The following COL6A5 variants were observed in gnomAD, a reference collection of about 807,000 sequenced individuals.
The protein encoded by COL6A5 is collagen type VI alpha 5 chain.
COL6A5 carries 48 observed loss-of-function variants against 65.6 expected under a neutral mutation model. That is an observed-to-expected ratio of 0.73 (90% confidence interval 0.58 to 0.93). The LOEUF is 0.93. Among genes scored for constraint, COL6A5 ranks in the 40% least tolerant of loss-of-function variants. The pLI, the probability that COL6A5 is intolerant of heterozygous loss-of-function variation, is 0.00. For synonymous variants in COL6A5, 291 were observed against 322.8 expected, an observed-to-expected ratio of 0.90 and a Z score of 1.05; for missense variants, 914 against 928.3, an observed-to-expected ratio of 0.98 and a Z score of 0.20.
exon 3 of COL6A5, chr3:130,440,560 C>T (rs537759936): frequency 2.5e-6 from 4 of 1,613,560 alleles, no homozygotes; most frequent in Non-Finnish European, 3.4e-6. Flanking sequence ...CAGAAACACC[C>T]TATCTAAGAA....
At chr3:130,450,372 G>T (rs1709404698) in intron 4 of COL6A5, among the ~76,000 whole-genome samples, 1 of 152,128 alleles carries the variant, frequency 6.6e-6, no homozygotes, top group Non-Finnish European at 1.5e-5. Context: ...TGTTGAGCCG[G>T]CTTGGCCGCT....
chr3:130,421,091 A>C (rs1937508636), intron 25 of COL6A5, 62 bp from the exon 26 acceptor site: 1 of 1,427,490 alleles, frequency 7.0e-7, no homozygotes, highest in Non-Finnish European at 9.6e-7. Flanking sequence ...TAATCTCCCC[A>C]GTATAGATTA....
chr3:130,411,766 G>A (rs1937182512), intron 20 of COL6A5, among the ~76,000 whole-genome samples: 1 of 151,754 alleles, frequency 6.6e-6, no homozygotes, highest in African/African-American at 2.4e-5. Context: ...TGCCAGGAGT[G>A]GTATAGGCAA....
rs976274616 is a variant in COL6A5, at chr3:130,379,568, G to A, written c.818G>A (p.Arg273Gln). 2.7e-5 allele frequency: 42 copies of A among 1,551,248 alleles called. No homozygotes were observed. Among genetic ancestry groups the A allele is most frequent in the Non-Finnish European group, 3.2e-5 (37 of 1,146,804 alleles). ...ATGGATGTGAAGGAAAATTGCATGCGACTTGGACTGATGAGTTACAGCAAT... is the reference window on the plus strand; with the variant it reads ...ATGGATGTGAAGGAAAATTGCATGCAACTTGGACTGATGAGTTACAGCAAT... The change falls in exon 4 of 42, where the codon CGA (arginine) becomes CAA (glutamine). Residue 273 changes from arginine (R) to glutamine (Q), a missense_variant and NMD_transcript_variant. Arg to Gln is a conservative substitution (Grantham distance 43, BLOSUM62 1). Coordinates refer to the COL6A5 transcript ENST00000312481.
chr3:130,350,204 A>C lies in COL6A5; in HGVS notation c.-29+4223A>C, dbSNP rs116545307. Among the ~76,000 whole-genome samples, 370 of 152,338 alleles carry C rather than the reference A, an allele frequency of 2.4e-3. 1 individual carries two copies. Among genetic ancestry groups the C allele is most frequent in the African/African-American group, 8.4e-3 (349 of 41,584 alleles). ...GTATCAGAATGTTGGATAGGCAACT[A>C]GAATCTGCTACGTGGATGCAGGACA... is the stretch of plus-strand genomic sequence containing the variant. On this transcript the variant is annotated intron_variant and NMD_transcript_variant, in intron 1 of 41. Transcript: ENST00000312481.
intron 1 of COL6A5, 63 bp downstream of exon 1, chr3:130,346,044 A>G (rs535073277): frequency 2.5e-6 from 1 of 398,552 alleles, no homozygotes. Flanking sequence ...TCGAGTAGAC[A>G]GGTGGATGTG....
At chr3:130,425,866 T>C (rs985862569) in intron 29 of COL6A5, among the ~76,000 whole-genome samples, 3 of 152,220 alleles carry the variant, frequency 2.0e-5, no homozygotes, top group Admixed American at 1.3e-4. Flanking sequence ...CTGCTGTTTA[T>C]AATTTTAAGC....
At chr3:130,475,830 A>G (rs964328350) in intron 7 of COL6A5, among the ~76,000 whole-genome samples, 1 of 152,114 alleles carries the variant, frequency 6.6e-6, no homozygotes, top group Admixed American at 6.6e-5. Flanking sequence ...GTAATTTCAT[A>G]CCCATTATCT....
intron 7 of COL6A5, among the ~76,000 whole-genome samples, chr3:130,475,247 C>A: frequency 6.6e-6 from 1 of 151,374 alleles, no homozygotes; most frequent in South Asian, 2.1e-4. Context: ...GACCAAAAAT[C>A]CCCCCAAATT....
chr3:130,350,179 G>A (rs1462898280), intron 1 of COL6A5, among the ~76,000 whole-genome samples: 1 of 152,136 alleles, frequency 6.6e-6, no homozygotes, highest in African/African-American at 2.4e-5. Context: ...AGAATTGGGA[G>A]TATCAGAATG....
intron 4 of COL6A5, among the ~76,000 whole-genome samples, chr3:130,452,143 G>T (rs1034678114): frequency 6.6e-6 from 1 of 152,116 alleles, no homozygotes; most frequent in South Asian, 2.1e-4. Context: ...GACTCTGCAT[G>T]ACCCATAGTT....
exon 7 of COL6A5, chr3:130,391,737 G>C: frequency 6.5e-7 from 1 of 1,548,818 alleles, no homozygotes; most frequent in African/African-American, 1.4e-5. Flanking sequence ...GAACGTATGT[G>C]TACTGAAGCA....
chr3:130,389,660 C>T (rs955660001), intron 6 of COL6A5, among the ~76,000 whole-genome samples: 1 of 151,604 alleles, frequency 6.6e-6, no homozygotes, highest in African/African-American at 2.4e-5. Context: ...TTTATATTTG[C>T]CTGTTCGTGT....
intron 7 of COL6A5, among the ~76,000 whole-genome samples, chr3:130,474,178 C>G (rs1054696908): frequency 6.6e-6 from 1 of 151,962 alleles, no homozygotes; most frequent in African/African-American, 2.4e-5. Flanking sequence ...ATTAGGGGAC[C>G]TATATAAGTC....
chr3:130,421,344 G>C, exon 27 of COL6A5: 1 of 1,550,728 alleles, frequency 6.4e-7, no homozygotes, highest in Non-Finnish European at 8.7e-7. Flanking sequence ...GGATTCCCTG[G>C]AGATGCGGGG....
At chr3:130,382,045 A>G (rs1243637290) in intron 4 of COL6A5, among the ~76,000 whole-genome samples, 1 of 152,008 alleles carries the variant, frequency 6.6e-6, no homozygotes, top group Non-Finnish European at 1.5e-5. Context: ...AAATTGATAT[A>G]TTAGGAAATG....
At chr3:130,381,347 G>T (rs889859109) in intron 4 of COL6A5, among the ~76,000 whole-genome samples, 1 of 151,816 alleles carries the variant, frequency 6.6e-6, no homozygotes, top group African/African-American at 2.4e-5. Flanking sequence ...ATTCCTTTAG[G>T]TTGAGAAAAA....
intron 1 of COL6A5, among the ~76,000 whole-genome samples, chr3:130,434,435 C>T (rs1410081214): frequency 6.6e-6 from 1 of 152,120 alleles, no homozygotes; most frequent in Non-Finnish European, 1.5e-5. Flanking sequence ...GATTTATATG[C>T]CTTTGGATAT....
At chr3:130,433,993 A>G (rs968073108) in intron 1 of COL6A5, among the ~76,000 whole-genome samples, 2 of 150,656 alleles carry the variant, frequency 1.3e-5, no homozygotes, top group Non-Finnish European at 3.0e-5. Context: ...AAAAAACAGG[A>G]TACATGTGCA....
Sources: allele counts gnomAD v4.1 joint callset (sites outside exome capture counted in the v4.1 genomes callset), GRCh38; gene constraint gnomAD v4.1.1; transcripts MANE v1.5; gene names NCBI Gene and HGNC (gene_info 2026-07-23, HGNC 2026-07-21).